The following RBMS3 variants were observed in gnomAD, a reference collection of about 807,000 sequenced individuals.
The protein encoded by RBMS3 is RNA binding motif single stranded interacting protein 3, also known as RNA-binding motif, single-stranded-interacting protein 3.
RBMS3 carries 27 observed loss-of-function variants against 66.8 expected under a neutral mutation model. The ratio of observed to expected loss-of-function variants is 0.40; its 90% confidence interval spans 0.30 to 0.56. RBMS3 has a LOEUF of 0.56. RBMS3 is among the 20% of genes least tolerant of loss of function. The pLI, the probability that RBMS3 is intolerant of heterozygous loss-of-function variation, is 0.40. For synonymous variants in RBMS3, 188 were observed against 183.0 expected, an observed-to-expected ratio of 1.03 and a Z score of -0.22; for missense variants, 513 against 549.5, an observed-to-expected ratio of 0.93 and a Z score of 0.66.
chr3:29,945,904 G>C (rs1695272523), intron 12 of RBMS3, among the ~76,000 whole-genome samples: 1 of 151,678 alleles, frequency 6.6e-6, no homozygotes, highest in Non-Finnish European at 1.5e-5. Context: ...GAATCTGAAA[G>C]TTTTGTGTGG....
chr3:29,641,429 C>A (rs140875004), intron 4 of RBMS3, among the ~76,000 whole-genome samples: 2 of 151,886 alleles, frequency 1.3e-5, no homozygotes, highest in Non-Finnish European at 2.9e-5. Context: ...GGTTTAGAAT[C>A]GATTTCTAAA....
chr3:29,336,818 G>A (rs1157001024), intron 1 of RBMS3, among the ~76,000 whole-genome samples: 4 of 151,972 alleles, frequency 2.6e-5, no homozygotes, highest in Non-Finnish European at 5.9e-5. Flanking sequence ...TTGCCATCAT[G>A]TTTTCCTTTT....
At chr3:29,699,182 ACT>A (rs1227637156) in intron 4 of RBMS3, among the ~76,000 whole-genome samples, 1 of 151,962 alleles carries the variant, frequency 6.6e-6, no homozygotes, top group Non-Finnish European at 1.5e-5. Flanking sequence ...ATGAAGTACC[ACT>A]CTGTTGCCCA....
chr3:29,932,304 G>A (rs1254875187), intron 10 of RBMS3, among the ~76,000 whole-genome samples: 2 of 152,120 alleles, frequency 1.3e-5, no homozygotes, highest in Admixed American at 6.6e-5. Flanking sequence ...TAAAAAGACT[G>A]GATTCAAACA....
At chr3:29,514,918 A>T (rs949376326) in intron 3 of RBMS3, among the ~76,000 whole-genome samples, 2 of 151,886 alleles carry the variant, frequency 1.3e-5, no homozygotes, top group Non-Finnish European at 2.9e-5. Context: ...CAGATGTCTT[A>T]TTTAATCCTA....
chr3:29,896,255 T>A (rs1457838638), intron 8 of RBMS3, among the ~76,000 whole-genome samples: 1 of 151,368 alleles, frequency 6.6e-6, no homozygotes, highest in Non-Finnish European at 1.5e-5. Context: ...GGGAGTCTCA[T>A]GGGATGCTTT....
intron 1 of RBMS3, among the ~76,000 whole-genome samples, chr3:29,418,584 T>TC (rs2040573206): frequency 1.3e-5 from 2 of 152,116 alleles, no homozygotes; most frequent in South Asian, 4.1e-4. Context: ...ATCTCACTCT[T>TC]CTGCATGACT....
intron 3 of RBMS3, among the ~76,000 whole-genome samples, chr3:29,574,519 C>T (rs2047049946): frequency 6.6e-6 from 1 of 151,866 alleles, no homozygotes; most frequent in African/African-American, 2.4e-5. Context: ...TCCATTTAGC[C>T]ATTCTATGTC....
At chr3:29,350,747 G>A (rs2036861201) in intron 1 of RBMS3, among the ~76,000 whole-genome samples, 1 of 152,010 alleles carries the variant, frequency 6.6e-6, no homozygotes, top group Admixed American at 6.6e-5. Context: ...ACTAAATAAT[G>A]TGTTTTTCTT....
At position 29,473,201 on chromosome 3, in the gene RBMS3, C is replaced by T. The variant is rs1373972263; in HGVS notation, c.249-15240C>T. On this transcript the variant is annotated intron_variant, in intron 2 of 14. Transcript: ENST00000383767. ...ACCAGAGTAGCTAGATACAGAGTGTCGATTGGTGCATTCACAAACCCTGAG... is the reference window on the plus strand; with the variant it reads ...ACCAGAGTAGCTAGATACAGAGTGTTGATTGGTGCATTCACAAACCCTGAG... 1.0e-4 allele frequency among the ~76,000 whole-genome samples: 14 copies of T among 133,832 alleles called. No individual in the cohort carries two copies. The East Asian group carries it at 1.3e-3, about 13-fold the overall frequency. 87.8% of individuals were successfully genotyped at this position (133,832 alleles called of 152,430 possible).
intron 2 of RBMS3, among the ~76,000 whole-genome samples, chr3:29,457,532 G>A (rs2042232721): frequency 6.6e-6 from 1 of 152,082 alleles, no homozygotes; most frequent in South Asian, 2.1e-4. Flanking sequence ...GACTAGCCTG[G>A]TCAACATAGT....
chr3:29,496,944 C>T (rs1349784688), intron 3 of RBMS3, among the ~76,000 whole-genome samples: 3 of 152,096 alleles, frequency 2.0e-5, no homozygotes, highest in African/African-American at 7.2e-5. Context: ...TGTTCAATAG[C>T]CTTTAGTATT....
Position 29,853,423 on chromosome 3 carries a change from C to CTTTTTTTTTT in RBMS3, c.638-15422_638-15413dup, listed in dbSNP as rs71091081. 6.3e-3 allele frequency among the ~76,000 whole-genome samples: 536 copies of CTTTTTTTTTT among 84,536 alleles called. 59 individuals are homozygous for CTTTTTTTTTT. Among genetic ancestry groups the CTTTTTTTTTT allele is most frequent in the African/African-American group, 0.022 (399 of 18,418 alleles). 55.5% of individuals were successfully genotyped at this position (84,536 alleles called of 152,430 possible). A position where few individuals can be genotyped will look rare whatever the true frequency, so the allele number is the denominator to read the frequency against. On this transcript the variant is annotated intron_variant, in intron 6 of 14. Transcript: ENST00000383767. ...TGTATCTTAAGCTACAATTTACTTTCTTTTTTTTTTTTTTTTTTTTTTGCA... is the reference window on the plus strand; with the variant it reads ...TGTATCTTAAGCTACAATTTACTTTCTTTTTTTTTTTTTTTTTTTTTTTTTTTTTTTTGCA...
intron 14 of RBMS3, among the ~76,000 whole-genome samples, chr3:29,997,123 G>C (rs1301518549): frequency 6.6e-6 from 1 of 151,594 alleles, no homozygotes; most frequent in Non-Finnish European, 1.5e-5. Flanking sequence ...ACTACCATCA[G>C]AGAATACTAC....
intron 4 of RBMS3, among the ~76,000 whole-genome samples, chr3:29,676,071 T>C (rs952327739): frequency 2.6e-5 from 4 of 152,194 alleles, no homozygotes; most frequent in Non-Finnish European, 5.9e-5. Context: ...GTGGCACATA[T>C]ACACCATGGA....
chr3:29,291,294 C>A (rs1392512543), intron 1 of RBMS3, among the ~76,000 whole-genome samples: 1 of 151,868 alleles, frequency 6.6e-6, no homozygotes, highest in Non-Finnish European at 1.5e-5. Context: ...ACTATTGTGG[C>A]CTTTTGGCAC....
chr3:29,742,915 C>A (rs889305876), intron 5 of RBMS3, among the ~76,000 whole-genome samples: 1 of 152,094 alleles, frequency 6.6e-6, no homozygotes, highest in Non-Finnish European at 1.5e-5. Flanking sequence ...GCCATGTGGA[C>A]TGAAAAGGCA....
At chr3:29,312,850 T>A (rs1029640275) in intron 1 of RBMS3, among the ~76,000 whole-genome samples, 4 of 151,696 alleles carry the variant, frequency 2.6e-5, no homozygotes, top group African/African-American at 9.7e-5. Context: ...AATCCCAAGA[T>A]CTTTTGCCTT....
chr3:29,889,757 A>G (rs2059955093), intron 8 of RBMS3, among the ~76,000 whole-genome samples: 1 of 151,676 alleles, frequency 6.6e-6, no homozygotes, highest in African/African-American at 2.4e-5. Context: ...ACCATATCTT[A>G]TTCATTTTCA....
Sources: allele counts gnomAD v4.1 joint callset (sites outside exome capture counted in the v4.1 genomes callset), GRCh38; gene constraint gnomAD v4.1.1; transcripts MANE v1.5; gene names NCBI Gene and HGNC (gene_info 2026-07-23, HGNC 2026-07-21).